Variants in GSE1 observed in about 807,000 individuals in gnomAD.
GSE1 encodes the protein genetic suppressor element 1.
In GSE1, 32 loss-of-function variants were observed where a neutral mutation model predicts 112.6. The observed-to-expected ratio is 0.28, with a 90% CI of 0.21 to 0.38. The LOEUF is 0.38. Ranked by LOEUF, GSE1 falls within the 10% of genes least tolerant of loss-of-function variation. The pLI, the probability that GSE1 is intolerant of heterozygous loss-of-function variation, is 1.00. For missense variants in GSE1, 2,348 were observed against 1,699.2 expected, an observed-to-expected ratio of 1.38 and a Z score of -6.71; for synonymous variants, 1,115 against 735.6, an observed-to-expected ratio of 1.52 and a Z score of -8.35.
intron 1 of GSE1, among the ~76,000 whole-genome samples, chr16:85,560,101 G>A (rs1012770205): frequency 5.4e-5 from 8 of 148,032 alleles, no homozygotes; most frequent in African/African-American, 2.0e-4. Context: ...TTTGCAGCAA[G>A]TCACAGAGCT....
chr16:85,640,729 C>T (rs191270254), intron 2 of GSE1, among the ~76,000 whole-genome samples: 2 of 152,376 alleles, frequency 1.3e-5, no homozygotes, highest in East Asian at 3.9e-4. Context: ...ATCTGCCTCT[C>T]AAAGAAAACA....
At chr16:85,527,178 T>C (rs2052390361) in intron 2 of GSE1, among the ~76,000 whole-genome samples, 1 of 152,242 alleles carries the variant, frequency 6.6e-6, no homozygotes, top group Non-Finnish European at 1.5e-5. Flanking sequence ...CCTGTCATGC[T>C]TCCCCCTCGT....
intron 1 of GSE1, among the ~76,000 whole-genome samples, chr16:85,289,262 C>T (rs997408330): frequency 6.6e-6 from 1 of 152,174 alleles, no homozygotes. Flanking sequence ...ATCCTCCCGC[C>T]ATTGGCCTCC....
intron 2 of GSE1, among the ~76,000 whole-genome samples, chr16:85,477,597 G>C (rs1314081849): frequency 7.0e-6 from 1 of 142,702 alleles, no homozygotes; most frequent in Non-Finnish European, 1.5e-5. Flanking sequence ...GTCTCGCTCT[G>C]TCGCCCAGGC....
chr16:85,627,044 CTTT>C (rs564272210), intron 1 of GSE1, among the ~76,000 whole-genome samples: 239 of 25,024 alleles, frequency 9.6e-3, no homozygotes, highest in East Asian at 0.027. Context: ...TTCTTCTTGC[CTTT>C]TTTTTTTTTT....
At chr16:85,424,742 C>T (rs113580596) in intron 2 of GSE1, among the ~76,000 whole-genome samples, 7 of 152,362 alleles carry the variant, frequency 4.6e-5, no homozygotes, top group East Asian at 3.9e-4. Flanking sequence ...CCTCACGCCC[C>T]GAGTCGCCAG....
At chr16:85,586,021 G>A (rs1409694142) in intron 1 of GSE1, among the ~76,000 whole-genome samples, 1 of 152,200 alleles carries the variant, frequency 6.6e-6, no homozygotes, top group African/African-American at 2.4e-5. Context: ...TCACCCCAAG[G>A]CTGGCTCCCT....
chr16:85,435,007 A>T (rs766217750), intron 2 of GSE1, among the ~76,000 whole-genome samples: 1 of 152,234 alleles, frequency 6.6e-6, no homozygotes, highest in Non-Finnish European at 1.5e-5. Flanking sequence ...CCCCACACTC[A>T]GGAGGGCCTA....
intron 13 of GSE1, among the ~76,000 whole-genome samples, chr16:85,667,781 C>G (rs1232428832): frequency 1.3e-5 from 2 of 152,148 alleles, no homozygotes; most frequent in African/African-American, 4.8e-5. Flanking sequence ...ATTGCTTGAA[C>G]CTGGGAGGGG....
At chr16:85,333,439 C>T (rs1302048978) in intron 1 of GSE1, among the ~76,000 whole-genome samples, 2 of 152,194 alleles carry the variant, frequency 1.3e-5, no homozygotes, top group Non-Finnish European at 2.9e-5. Context: ...CCTTGTCTCT[C>T]CTGCCGGCTC....
intron 1 of GSE1, among the ~76,000 whole-genome samples, chr16:85,564,918 T>TG (rs989367697): frequency 4.6e-5 from 7 of 152,046 alleles, no homozygotes; most frequent in Non-Finnish European, 1.0e-4. Flanking sequence ...TCACAGCTTC[T>TG]GGCAGGAAGC....
intron 2 of GSE1, among the ~76,000 whole-genome samples, chr16:85,429,300 G>A (rs1265402307): frequency 6.6e-6 from 1 of 152,248 alleles, no homozygotes; most frequent in Non-Finnish European, 1.5e-5. Flanking sequence ...TCACTGGCAT[G>A]TTCTGCCACG....
At chr16:85,370,862 G>A (rs2047283536) in intron 2 of GSE1, among the ~76,000 whole-genome samples, 1 of 152,232 alleles carries the variant, frequency 6.6e-6, no homozygotes, top group African/African-American at 2.4e-5. Flanking sequence ...TGACAGGGAA[G>A]GCAGGAAGTG....
chr16:85,618,998 C>T (rs111610716), intron 1 of GSE1, among the ~76,000 whole-genome samples: 1,827 of 152,340 alleles, frequency 0.012, 33 homozygotes, highest in African/African-American at 0.042. Flanking sequence ...GGCTCTGTTC[C>T]CCTACGCTCA....
intron 1 of GSE1, among the ~76,000 whole-genome samples, chr16:85,327,146 G>A (rs768139620): frequency 2.6e-5 from 4 of 152,170 alleles, no homozygotes; most frequent in Admixed American, 2.0e-4. Context: ...TCACAACATG[G>A]TGGCAGGGTC....
rs554442672 is a variant in GSE1, at chr16:85,672,730, G to C, written c.*191G>C. On this transcript the variant is annotated 3_prime_UTR_variant, in exon 16 of 16. Transcript: ENST00000253458. ...TTGACGTCAATGCAATTGAATCACCGTTGTCATTCAGCGAGCAACCAATGT... is the reference window on the plus strand; with the variant it reads ...TTGACGTCAATGCAATTGAATCACCCTTGTCATTCAGCGAGCAACCAATGT... 3.6e-5 allele frequency: 15 copies of C among 419,352 alleles called. No homozygotes were observed. Among genetic ancestry groups the C allele is most frequent in the African/African-American group, 6.0e-5 (3 of 49,820 alleles). The allele number at this position is 419,352 out of a possible 1,614,324, so 26.0% of individuals were successfully genotyped here.
chr16:85,240,681 TC>T (rs1198388587), intron 1 of GSE1, among the ~76,000 whole-genome samples: 1 of 152,180 alleles, frequency 6.6e-6, no homozygotes, highest in Non-Finnish European at 1.5e-5. Context: ...CCTGCGAGGT[TC>T]CTCGGGGCCA....
chr16:85,613,744 G>C (rs1433442874), intron 1 of GSE1, among the ~76,000 whole-genome samples: 1 of 151,352 alleles, frequency 6.6e-6, no homozygotes, highest in Non-Finnish European at 1.5e-5. Context: ...GTCTCCGAGA[G>C]CTGCGGGCGC....
At chr16:85,354,735 T>C (rs962277580) in intron 1 of GSE1, among the ~76,000 whole-genome samples, 11 of 152,304 alleles carry the variant, frequency 7.2e-5, no homozygotes, top group East Asian at 1.9e-4. Flanking sequence ...CCATAAGCCG[T>C]CCCTCGCAGC....
Sources: allele counts gnomAD v4.1 joint callset (sites outside exome capture counted in the v4.1 genomes callset), GRCh38; gene constraint gnomAD v4.1.1; transcripts MANE v1.5; gene names NCBI Gene and HGNC (gene_info 2026-07-23, HGNC 2026-07-21).